Variants in ACSM6 observed in about 807,000 individuals in gnomAD.
ACSM6 encodes acyl-CoA synthetase medium chain family member 6.
A neutral mutation model predicts 51.1 loss-of-function variants in ACSM6; 35 were observed. The ratio of observed to expected loss-of-function variants is 0.69; its 90% CI spans 0.52 to 0.91. ACSM6 has a LOEUF of 0.91. Ranked by LOEUF, ACSM6 falls within the 40% of genes least tolerant of loss-of-function variation. The pLI is 0.00. For synonymous variants in ACSM6, 172 were observed against 207.3 expected, an observed-to-expected ratio of 0.83 and a Z score of 1.46; for missense variants, 509 against 584.1, an observed-to-expected ratio of 0.87 and a Z score of 1.32.
intron 3 of ACSM6, among the ~76,000 whole-genome samples, chr10:95,204,279 G>T (rs532861862): frequency 1.3e-5 from 2 of 152,170 alleles, no homozygotes; most frequent in African/African-American, 4.8e-5. Flanking sequence ...TCAGCCGGGC[G>T]CAGTGGCTAC....
chr10:95,210,834 C>A (rs1564589054), intron 5 of ACSM6, 41 bp downstream of exon 5: 2 of 1,588,062 alleles, frequency 1.3e-6, no homozygotes, highest in East Asian at 4.5e-5. Context: ...GAAAGTTGTT[C>A]TCTTGCAGGT....
chr10:95,197,684 C>A (rs1413823251), intron 2 of ACSM6, among the ~76,000 whole-genome samples: 2 of 152,186 alleles, frequency 1.3e-5, no homozygotes. Context: ...CATTCAGTTC[C>A]CAGGAGCAGG....
intron 2 of ACSM6, among the ~76,000 whole-genome samples, chr10:95,197,622 T>C (rs2034746272): frequency 6.6e-6 from 1 of 152,166 alleles, no homozygotes; most frequent in African/African-American, 2.4e-5. Flanking sequence ...ATAGGGCGGT[T>C]TTTCTCTCAT....
At chr10:95,209,711 A>G (rs1410515946) in intron 4 of ACSM6, among the ~76,000 whole-genome samples, 1 of 151,994 alleles carries the variant, frequency 6.6e-6, no homozygotes, top group Non-Finnish European at 1.5e-5. Flanking sequence ...AATAATTTTT[A>G]TAATTGAAGT....
intron 10 of ACSM6, among the ~76,000 whole-genome samples, chr10:95,227,323 A>G (rs938449029): frequency 1.3e-5 from 2 of 152,112 alleles, no homozygotes; most frequent in African/African-American, 4.8e-5. Flanking sequence ...ATCAAGGAGA[A>G]CTATCATGAT....
At chr10:95,203,239 A>T (rs561331832) in intron 3 of ACSM6, among the ~76,000 whole-genome samples, 1 of 152,286 alleles carries the variant, frequency 6.6e-6, no homozygotes, top group African/African-American at 2.4e-5. Context: ...ATCATCTGCC[A>T]CTGTCTCCCA....
intron 7 of ACSM6, among the ~76,000 whole-genome samples, chr10:95,214,514 C>A (rs2034924922): frequency 1.3e-5 from 2 of 152,204 alleles, no homozygotes; most frequent in African/African-American, 4.8e-5. Flanking sequence ...ATTGCTGACA[C>A]ATCCTTCACA....
chr10:95,228,494 T>G, intron 10 of ACSM6, 150 bp from the exon 11 acceptor site: 10 of 699,132 alleles, frequency 1.4e-5, no homozygotes, highest in South Asian at 4.1e-5. Context: ...CCGTGTTTGT[T>G]GAGTTTTCTA....
rs539677764 is a variant in ACSM6 at position 95,214,928 on chromosome 10, C to A, written c.1072C>A (p.Arg358Ser). ...CCCTGGGGTGATTGAGGACTGGAAA[C>A]GCATCACTAAGTTGGACATCTATGA... The change falls in exon 8 of 11, where the codon CGC (arginine) becomes AGC (serine). Residue 358 changes from arginine (R) to serine (S), a missense_variant. By Grantham distance (110) the Arg-to-Ser change is moderately radical. Coordinates refer to ENST00000341686, the Ensembl canonical transcript of ACSM6. The A allele has an allele frequency of 2.6e-6, 4 of 1,551,568 alleles. No individual in the cohort carries two copies. The South Asian group carries it at 4.8e-5, about 18-fold the overall frequency.
intron 3 of ACSM6, 55 bp from the exon 4 acceptor site, chr10:95,207,152 GA>G: frequency 1.3e-6 from 2 of 1,562,628 alleles, no homozygotes; most frequent in East Asian, 2.3e-5. Context: ...AATGCTTGAG[GA>G]AAAATTCTCT....
chr10:95,226,994 T>C (rs1312370748), intron 10 of ACSM6, among the ~76,000 whole-genome samples: 1 of 151,974 alleles, frequency 6.6e-6, no homozygotes, highest in Non-Finnish European at 1.5e-5. Context: ...ACAACTTTTT[T>C]TTTTTTTTTT....
In ACSM6 at chr10:95,200,418, C is replaced by T. The variant is rs553751370; in HGVS notation, c.193-1567C>T. On this transcript the variant is annotated intron_variant, in intron 2 of 10. Coordinates refer to ENST00000341686, the Ensembl canonical transcript of ACSM6. ...TGCTGAATGACGAGTTAATGGGTGC[C>T]GCACACCAACATGGCACATGTATAC... 3.3e-5 allele frequency among the ~76,000 whole-genome samples: 5 copies of T among 151,358 alleles called. 1 individual carries two copies. The highest frequency in any genetic ancestry group is 6.8e-3 in the Middle Eastern group (2 of 294).
chr10:95,215,015 C>G (rs2034930985), intron 8 of ACSM6, 40 bp downstream of exon 8: 1 of 1,548,486 alleles, frequency 6.5e-7, no homozygotes, highest in Non-Finnish European at 8.7e-7. Context: ...AGAAACCAAA[C>G]TTGCCCATTC....
intron 2 of ACSM6, among the ~76,000 whole-genome samples, chr10:95,198,018 C>A (rs1430403664): frequency 6.6e-6 from 1 of 151,872 alleles, no homozygotes; most frequent in Non-Finnish European, 1.5e-5. Context: ...TCCCTTAAAC[C>A]TTGATTTCAT....
At chr10:95,214,410 TATA>T (rs1447282342) in intron 7 of ACSM6, among the ~76,000 whole-genome samples, 1 of 152,210 alleles carries the variant, frequency 6.6e-6, no homozygotes, top group Non-Finnish European at 1.5e-5. Context: ...TGTGGAAACT[TATA>T]ATATCTAGAG....
chr10:95,207,791 T>TAA (rs1191259896), intron 4 of ACSM6, among the ~76,000 whole-genome samples: 1 of 152,036 alleles, frequency 6.6e-6, no homozygotes, highest in Non-Finnish European at 1.5e-5. Context: ...AGACTATATA[T>TAA]AATGGAATAC....
At chr10:95,194,489 C>A in exon 2 of ACSM6, 1 of 1,551,566 alleles carries the variant, frequency 6.4e-7, no homozygotes, top group South Asian at 1.2e-5. Flanking sequence ...GACCCAAATG[C>A]TAGGCCGATT....
chr10:95,198,671 C>T (rs1474122868), intron 2 of ACSM6, among the ~76,000 whole-genome samples: 9 of 152,170 alleles, frequency 5.9e-5, no homozygotes, highest in Middle Eastern at 3.4e-3. Flanking sequence ...AAAATTACTT[C>T]CATGGTCACA....
At chr10:95,201,076 T>C (rs574954068) in intron 2 of ACSM6, among the ~76,000 whole-genome samples, 34 of 152,306 alleles carry the variant, frequency 2.2e-4, no homozygotes, top group Non-Finnish European at 3.5e-4. Flanking sequence ...ATAAGTTGCA[T>C]TGGAAGACAG....
Sources: gnomAD v4.1 joint callset for allele counts (sites outside exome capture counted in the v4.1 genomes callset) on GRCh38, gnomAD v4.1.1 for gene constraint, MANE v1.5 for transcripts, NCBI Gene and HGNC (gene_info 2026-07-23, HGNC 2026-07-21) for gene names.